The following DCAF12L1 variants were observed in gnomAD, a reference collection of about 807,000 sequenced individuals.
DCAF12L1 encodes the protein DDB1 and CUL4 associated factor 12 like 1.
For synonymous variants in DCAF12L1, 218 were observed against 196.4 expected, an observed-to-expected ratio of 1.11 and a Z score of -0.92; for missense variants, 251 against 409.2, an observed-to-expected ratio of 0.61 and a Z score of 3.34.
Position 126,551,760 on chromosome X carries a change from G to A in DCAF12L1, c.849C>T (p.Asp283=), listed in dbSNP as rs1442541200. The change falls in exon 1 of 2, where the codon GAC becomes GAT. Residue 283 remains aspartate, a synonymous_variant. Transcript: ENST00000371126. ...CGGCTTTCCACAGGTGGAAGTAGCC[G>A]TCCAAGGACACCGCTCCCAGTTCCT... ...KNQELGAVSL[D]GYFHLWKAGS... 5 of 1,212,154 alleles carry A rather than the reference G, an allele frequency of 4.1e-6. No individual in the cohort carries two copies. Among genetic ancestry groups the A allele is most frequent in the East Asian group, 5.9e-5 (2 of 33,832 alleles).
At position 126,549,465 on chromosome X, in the gene DCAF12L1, T is replaced by G. The variant is rs187680334; in HGVS notation, c.*1665A>C. On this transcript the variant is annotated 3_prime_UTR_variant, in exon 2 of 2. Transcript: ENST00000371126. Reference sequence around the variant, plus strand: ...CCAGAGGCATTCAACCAGTACATATTTACTTATTGCCTTTTATTTGCTAAG... The same window carrying G: ...CCAGAGGCATTCAACCAGTACATATGTACTTATTGCCTTTTATTTGCTAAG... The G allele has an allele frequency of 8.9e-6, 1 of 112,053 alleles. No homozygotes were observed. Among genetic ancestry groups the G allele is most frequent in the African/African-American group, 3.2e-5 (1 of 30,918 alleles). 9.2% of individuals were successfully genotyped at this position (112,053 alleles called of 1,213,427 possible). A position where few individuals can be genotyped will look rare whatever the true frequency, so the allele number is the denominator to read the frequency against.
Position 126,550,896 on chromosome X carries a change from T to C in DCAF12L1, c.*234A>G, listed in dbSNP as rs1927448968. The C allele has an allele frequency of 8.8e-6, 2 of 226,928 alleles. No homozygotes were observed. Among genetic ancestry groups the C allele is most frequent in the Non-Finnish European group, 7.9e-6 (1 of 126,059 alleles). The allele number at this position is 226,928 out of a possible 1,213,427, so 18.7% of individuals were successfully genotyped here. A position where few individuals can be genotyped will look rare whatever the true frequency, so the allele number is the denominator to read the frequency against. On this transcript the variant is annotated 3_prime_UTR_variant, in exon 2 of 2. Coordinates refer to ENST00000371126, the MANE Select transcript of DCAF12L1 (RefSeq NM_178470.5). ...ACAAATATACATAACTGAAAGACCA[T>C]GACTGCATCTTCTTAAAGAAACAGA...
rs1457260453 is a variant in DCAF12L1, at chrX:126,550,408, A to G, written c.*722T>C. The G allele has an allele frequency of 8.9e-6, 1 of 112,402 alleles. No individual in the cohort carries two copies. The highest frequency in any genetic ancestry group is 1.9e-5 in the Non-Finnish European group (1 of 53,303). The allele number at this position is 112,402 out of a possible 1,213,427, so 9.3% of individuals were successfully genotyped here. Reference sequence around the variant, plus strand: ...GTACTAAGGCAACAAGTGAAAAAATACACATTCTTTTATCTATTTAAGGAC... The same window carrying G: ...GTACTAAGGCAACAAGTGAAAAAATGCACATTCTTTTATCTATTTAAGGAC... On this transcript the variant is annotated 3_prime_UTR_variant, in exon 2 of 2. Transcript: ENST00000371126.
At position 126,552,305 on chromosome X, in the gene DCAF12L1, C is replaced by T; in HGVS notation, c.304G>A (p.Ala102Thr). ...LELGTVNKVF[A>T]SQWLNSRQVV... ...TGCCTGGAGTTCAGCCACTGTGACG[C>T]GAACACCTTGTTGACCGTGCCCAGC... The change falls in exon 1 of 2, where the codon GCG becomes ACG. Residue 102 changes from alanine (A) to threonine (T), a missense_variant. Transcript: ENST00000371126. 8.2e-7 allele frequency: 1 copy of T among 1,212,288 alleles called. No individual in the cohort carries two copies. Among genetic ancestry groups the T allele is most frequent in the South Asian group, 1.8e-5 (1 of 57,037 alleles).
Position 126,551,046 on chromosome X carries a change from G to C in DCAF12L1, c.*84C>G. On this transcript the variant is annotated 3_prime_UTR_variant, in exon 2 of 2. Coordinates refer to ENST00000371126, the MANE Select transcript of DCAF12L1 (RefSeq NM_178470.5). Reference sequence around the variant, plus strand: ...AAAGTCTTAAAGCCAAGTTTTCATTGACCAAAGGACCACTCACTCTCTCTG... The same window carrying C: ...AAAGTCTTAAAGCCAAGTTTTCATTCACCAAAGGACCACTCACTCTCTCTG... 1.9e-6 allele frequency: 1 copy of C among 517,895 alleles called. No homozygotes were observed. Among genetic ancestry groups the C allele is most frequent in the Non-Finnish European group, 2.9e-6 (1 of 347,044 alleles). 42.7% of individuals were successfully genotyped at this position (517,895 alleles called of 1,213,427 possible).
At position 126,551,916 on chromosome X, in the gene DCAF12L1, A is replaced by T. The variant is rs990452421; in HGVS notation, c.693T>A (p.Val231=). 5 of 1,212,313 alleles carry T rather than the reference A, an allele frequency of 4.1e-6. No individual in the cohort carries two copies. Among genetic ancestry groups the T allele is most frequent in the Non-Finnish European group, 5.6e-6 (5 of 895,624 alleles). Residue 231 remains valine (V), a synonymous_variant, in exon 1 of 2, where the codon GTT becomes GTA. Transcript: ENST00000371126. Reference sequence around the variant, plus strand: ...GGAGACCCACCTCGCTATGCCAGGCAACAGTGTCATCGAACTTGTCCGGGT... The same window carrying T: ...GGAGACCCACCTCGCTATGCCAGGCTACAGTGTCATCGAACTTGTCCGGGT... ...RMDPDKFDDT[V]AWHSEVGLPV...
rs1927462741 is a variant in DCAF12L1 at position 126,551,661 on chromosome X, A to G, written c.948T>C (p.Asp316=). 2 of 1,210,543 alleles carry G rather than the reference A, an allele frequency of 1.7e-6. No homozygotes were observed. Among genetic ancestry groups the G allele is most frequent in the African/African-American group, 1.7e-5 (1 of 57,367 alleles). The change falls in exon 1 of 2, where the codon GAT becomes GAC. Residue 316 remains aspartate, a synonymous_variant. Transcript: ENST00000371126. ...FRDNVCLTYC[D]DMSVYAVGSH... ...AGCCCACGGCGTACACAGACATATC[A>G]TCACAGTAGGTCAGGCACACATTAT...
chrX:126,551,075 G>T lies in DCAF12L1; in HGVS notation c.*55C>A. On this transcript the variant is annotated 3_prime_UTR_variant, in exon 2 of 2. Coordinates refer to ENST00000371126, the MANE Select transcript of DCAF12L1 (RefSeq NM_178470.5). ...AAAGGACCACTCACTCTCTCTGCTT[G>T]GAGGAGTACAAATTAAGCTGGGCTG... 2 of 710,101 alleles carry T rather than the reference G, an allele frequency of 2.8e-6. No individual in the cohort carries two copies. Among genetic ancestry groups the T allele is most frequent in the Non-Finnish European group, 4.0e-6 (2 of 498,430 alleles). 58.5% of individuals were successfully genotyped at this position (710,101 alleles called of 1,213,427 possible).
Position 126,550,123 on chromosome X carries a change from G to A in DCAF12L1, c.*1007C>T, listed in dbSNP as rs1927437551. ...TTATTAAGAATCTTTTTTTCAGAAT[G>A]TGCTATTTTTGGTCTTTGTTTTTTT... On this transcript the variant is annotated 3_prime_UTR_variant, in exon 2 of 2. Coordinates refer to ENST00000371126, the MANE Select transcript of DCAF12L1 (RefSeq NM_178470.5). 1 of 112,109 alleles carries A rather than the reference G, an allele frequency of 8.9e-6. No homozygotes were observed. The highest frequency in any genetic ancestry group is 9.5e-5 in the Admixed American group (1 of 10,555). The allele number at this position is 112,109 out of a possible 1,213,427, so 9.2% of individuals were successfully genotyped here.
In DCAF12L1 at chrX:126,552,750, T is replaced by C; in HGVS notation, c.-142A>G. ...TGAGGCGCGGCAGTGGCGGACCGGGTGAGGGACGCGCGGGAGAGGGCGGCG... is the reference window on the plus strand; with the variant it reads ...TGAGGCGCGGCAGTGGCGGACCGGGCGAGGGACGCGCGGGAGAGGGCGGCG... On this transcript the variant is annotated 5_prime_UTR_variant, in exon 1 of 2. Coordinates refer to ENST00000371126, the MANE Select transcript of DCAF12L1 (RefSeq NM_178470.5). 1 of 979,998 alleles carries C rather than the reference T, an allele frequency of 1.0e-6. No homozygotes were observed. The highest frequency in any genetic ancestry group is 1.3e-6 in the Non-Finnish European group (1 of 745,787). The allele number at this position is 979,998 out of a possible 1,213,427, so 80.8% of individuals were successfully genotyped here.
In DCAF12L1 at chrX:126,549,804, G is replaced by T. The variant is rs774338829; in HGVS notation, c.*1326C>A. 1 of 111,805 alleles carries T rather than the reference G, an allele frequency of 8.9e-6. No individual in the cohort carries two copies. Among genetic ancestry groups the T allele is most frequent in the Admixed American group, 9.5e-5 (1 of 10,524 alleles). 9.2% of individuals were successfully genotyped at this position (111,805 alleles called of 1,213,427 possible). A position where few individuals can be genotyped will look rare whatever the true frequency, so the allele number is the denominator to read the frequency against. On this transcript the variant is annotated 3_prime_UTR_variant, in exon 2 of 2. Coordinates refer to ENST00000371126, the MANE Select transcript of DCAF12L1 (RefSeq NM_178470.5). ...CAGACATAACAAATTACTAATCCTG[G>T]GTCAGCACAGCCTGGCCAGTTTTAG...
rs757472458 is a variant in DCAF12L1, at chrX:126,550,947, T to A, written c.*183A>T. ...ATGTATGAATCACTCAAAGAGAGAA[T>A]GCAACTAAAGATTAACGATTAACCA... On this transcript the variant is annotated 3_prime_UTR_variant, in exon 2 of 2. Transcript: ENST00000371126. 2 of 315,269 alleles carry A rather than the reference T, an allele frequency of 6.3e-6. No homozygotes were observed. Among genetic ancestry groups the A allele is most frequent in the South Asian group, 2.3e-4 (2 of 8,734 alleles). 26.0% of individuals were successfully genotyped at this position (315,269 alleles called of 1,213,427 possible).
rs1161820763 is a variant in DCAF12L1, at chrX:126,551,439, G to A, written c.1170C>T (p.Thr390=). The A allele has an allele frequency of 2.5e-6, 3 of 1,210,260 alleles. No individual in the cohort carries two copies. The highest frequency in any genetic ancestry group is 5.9e-5 in the East Asian group (2 of 33,728). Reference sequence around the variant, plus strand: ...TTGCAGGTCCCGAAGAGGACTCCAGGGTGGCGGAGGCTCTTTCCTCCAGGA... The same window carrying A: ...TTGCAGGTCCCGAAGAGGACTCCAGAGTGGCGGAGGCTCTTTCCTCCAGGA... ...QKFLEERASA[T]LESSSGPARR... The change falls in exon 1 of 2, where the codon ACC becomes ACT. Residue 390 remains threonine, a synonymous_variant. Transcript: ENST00000371126.
rs754672145 is a variant in DCAF12L1, at chrX:126,551,730, G to A, written c.879C>T (p.Ser293=). Residue 293 remains serine, a synonymous_variant, in exon 1 of 2, where the codon AGC becomes AGT. Transcript: ENST00000371126. The part of the protein sequence containing the change: ...DGYFHLWKAG[S]ALSRLLSIRL... The stretch of plus-strand genomic sequence containing the variant: ...TGATGGACAGCAGCCTGGATAGTGC[G>A]CTCCCGGCTTTCCACAGGTGGAAGT... 2 of 1,212,025 alleles carry A rather than the reference G, an allele frequency of 1.7e-6. No individual in the cohort carries two copies. Among genetic ancestry groups the A allele is most frequent in the Admixed American group, 4.3e-5 (2 of 46,134 alleles).
At position 126,551,469 on chromosome X, in the gene DCAF12L1, C is replaced by T. The variant is rs1453528326; in HGVS notation, c.1140G>A (p.Gln380=). ...CGGAGGCTCTTTCCTCCAGGAATTTCTGGGCCCGGACGTCATAGAAGAGCA... is the reference window on the plus strand; with the variant it reads ...CGGAGGCTCTTTCCTCCAGGAATTTTTGGGCCCGGACGTCATAGAAGAGCA... ...GSLLFYDVRA[Q]KFLEERASAT... is the part of the protein sequence containing the mutation. The change falls in exon 1 of 2, where the codon CAG becomes CAA. Residue 380 remains glutamine (Q), a synonymous_variant. Transcript: ENST00000371126. The T allele has an allele frequency of 8.3e-7, 1 of 1,211,707 alleles. No individual in the cohort carries two copies. The highest frequency in any genetic ancestry group is 2.2e-5 in the Admixed American group (1 of 46,070).
At position 126,552,168 on chromosome X, in the gene DCAF12L1, T is replaced by G. The variant is rs1334645833; in HGVS notation, c.441A>C (p.Gln147His). ...CGATGGCATGGATGCCGCAGCCCTG[T>G]TGGTCCTGGGCCAGCCTGGCCTCAC... ...RDSEARLAQDQQGCGIHAIEL... is the reference protein window; with the variant it reads ...RDSEARLAQDHQGCGIHAIEL... The change falls in exon 1 of 2, where the codon CAA (glutamine) becomes CAC (histidine). Residue 147 changes from glutamine to histidine, a missense_variant. Transcript: ENST00000371126. The G allele has an allele frequency of 1.6e-5, 19 of 1,212,624 alleles. No individual in the cohort carries two copies. The highest frequency in any genetic ancestry group is 7.0e-5 in the South Asian group (4 of 57,083).
chrX:126,552,571 G>A lies in DCAF12L1; in HGVS notation c.38C>T (p.Ala13Val). 1 of 1,207,361 alleles carries A rather than the reference G, an allele frequency of 8.3e-7. No individual in the cohort carries two copies. The highest frequency in any genetic ancestry group is 1.1e-6 in the Non-Finnish European group (1 of 895,246). Residue 13 changes from alanine (A) to valine (V), a missense_variant, in exon 1 of 2, where the codon GCG (alanine) becomes GTG (valine). By Grantham distance (64) the Ala-to-Val change is moderately conservative (BLOSUM62 0). Transcript: ENST00000371126. The stretch of plus-strand genomic sequence containing the variant: ...CTCGGCGTCCGCCTCGACCGCGGGC[G>A]CTTTCCGTTTCCTGCTACCTGTTTG... ...QQQTGSRKRK[A>V]PAVEADAESS...
In DCAF12L1 at chrX:126,551,958, C is replaced by T; in HGVS notation, c.651G>A (p.Val217=). ...VAVSGSRDGT[V]ALWRMDPDKF... is the part of the protein sequence containing the mutation. ...TGTCCGGGTCCATCCGCCACAGCGC[C>T]ACAGTGCCGTCGCGGGAGCCGCTCA... Residue 217 remains valine (V), a synonymous_variant, in exon 1 of 2, where the codon GTG becomes GTA. Transcript: ENST00000371126. 1.6e-6 allele frequency: 2 copies of T among 1,212,516 alleles called. No individual in the cohort carries two copies. Among genetic ancestry groups the T allele is most frequent in the Non-Finnish European group, 2.2e-6 (2 of 895,689 alleles).
chrX:126,551,158 G>C (rs1927452954), intron 1 of DCAF12L1, 37 bp downstream of exon 1: 5 of 1,140,635 alleles, frequency 4.4e-6, no homozygotes, highest in Non-Finnish European at 1.2e-6. Context: ...GCAGCATGAA[G>C]GGCAGTCGGG....
Sources: allele counts gnomAD v4.1 joint callset, GRCh38; gene constraint gnomAD v4.1.1; transcripts MANE v1.5; gene names NCBI Gene and HGNC (gene_info 2026-07-23, HGNC 2026-07-21).